VPS13A: variants seen among roughly 807,000 people sequenced by gnomAD.
VPS13A encodes the protein intermembrane lipid transfer protein VPS13A.
Under a neutral mutation model 390.9 loss-of-function variants are expected in VPS13A, and 264 were observed. That is an observed-to-expected ratio of 0.68 (90% confidence interval 0.61 to 0.75). The LOEUF (loss-of-function observed/expected upper bound fraction) is 0.75, where lower values mean the gene tolerates loss of function less well. Among genes scored for constraint, VPS13A ranks in the 30% least tolerant of loss-of-function variants. VPS13A has a pLI of 0.00. For synonymous variants in VPS13A, 1,231 were observed against 1,227.1 expected (o/e 1.00, Z -0.07); for missense variants, 3,409 against 3,733.9 (o/e 0.91, Z 2.27).
intron 14 of VPS13A, 37 bp downstream of exon 14, chr9:77,226,025 G>A: frequency 6.5e-7 from 1 of 1,532,256 alleles, no homozygotes; most frequent in Non-Finnish European, 9.0e-7. Flanking sequence ...AAATAATTCT[G>A]AATTCCATAT....
In VPS13A at chr9:77,344,997, T is replaced by G; in HGVS notation, c.7156-12T>G. 2 of 1,609,952 alleles carry G rather than the reference T, an allele frequency of 1.2e-6. No individual in the cohort carries two copies. Among genetic ancestry groups the G allele is most frequent in the Non-Finnish European group, 1.7e-6 (2 of 1,179,562 alleles). The stretch of plus-strand genomic sequence containing the variant: ...TGATTACATTAAAATGTTTTCTTTT[T>G]CTTTCTTCTAGCTTGGAGGTATTAT... On this transcript the variant is annotated splice_polypyrimidine_tract_variant and intron_variant, in intron 51 of 71. Transcript: ENST00000360280.
intron 22 of VPS13A, among the ~76,000 whole-genome samples, chr9:77,258,966 G>A (rs1226814312): frequency 6.6e-6 from 1 of 152,090 alleles, no homozygotes; most frequent in Non-Finnish European, 1.5e-5. Context: ...TATATGCTTA[G>A]GAAGAATTTA....
intron 42 of VPS13A, among the ~76,000 whole-genome samples, chr9:77,320,153 G>A (rs1829657141): frequency 6.6e-6 from 1 of 152,114 alleles, no homozygotes; most frequent in Non-Finnish European, 1.5e-5. Flanking sequence ...CTTGGAGGTA[G>A]ATACAGTTTT....
intron 19 of VPS13A, among the ~76,000 whole-genome samples, chr9:77,241,533 T>C (rs531768241): frequency 6.6e-6 from 1 of 152,122 alleles, no homozygotes; most frequent in Non-Finnish European, 1.5e-5. Flanking sequence ...TGAAGACTTT[T>C]GTGGTTCTGT....
chr9:77,337,640 A>G, intron 47 of VPS13A, 103 bp downstream of exon 47: 2 of 1,171,594 alleles, frequency 1.7e-6, no homozygotes, highest in Admixed American at 4.3e-5. Flanking sequence ...AATAAAAATT[A>G]GAATACTAGT....
At position 77,177,676 on chromosome 9, in the gene VPS13A, G is replaced by A. The variant is rs1392553490; in HGVS notation, c.-29G>A. ...CGGCGGGAGGAGGAGCGCACGGGCC[G>A]GCTGCCGTGCCCACCACGGCTGAGG... On this transcript the variant is annotated 5_prime_UTR_variant, in exon 1 of 72. Coordinates refer to ENST00000360280, the MANE Select transcript of VPS13A (RefSeq NM_033305.3). The A allele has an allele frequency of 6.3e-7, 1 of 1,597,124 alleles. No individual in the cohort carries two copies. Among genetic ancestry groups the A allele is most frequent in the Admixed American group, 1.7e-5 (1 of 59,916 alleles).
intron 23 of VPS13A, among the ~76,000 whole-genome samples, chr9:77,270,958 A>T (rs1367470681): frequency 6.6e-6 from 1 of 152,214 alleles, no homozygotes; most frequent in African/African-American, 2.4e-5. Flanking sequence ...GTAGGTAAAG[A>T]TACCTTAGGA....
chr9:77,357,546 A>G (rs1831881340), intron 55 of VPS13A, 146 bp from the exon 56 acceptor site: 1 of 780,572 alleles, frequency 1.3e-6, no homozygotes. Context: ...GAATATGTGA[A>G]TTTTATGGAC....
At chr9:77,198,090 G>T (rs1303038379) in intron 1 of VPS13A, among the ~76,000 whole-genome samples, 1 of 152,076 alleles carries the variant, frequency 6.6e-6, no homozygotes, top group Non-Finnish European at 1.5e-5. Context: ...CAGGCTCTCA[G>T]TCTCCACCTA....
chr9:77,226,125 ATTAT>A, intron 14 of VPS13A, 137 bp downstream of exon 14: 1 of 741,406 alleles, frequency 1.3e-6, no homozygotes, highest in Non-Finnish European at 2.1e-6. Context: ...TTATAAGAAA[ATTAT>A]TTAATATTTT....
At chr9:77,259,319 A>G (rs1192320665) in intron 22 of VPS13A, among the ~76,000 whole-genome samples, 1 of 152,152 alleles carries the variant, frequency 6.6e-6, no homozygotes, top group Admixed American at 6.5e-5. Flanking sequence ...TAAGTGCATT[A>G]AGAGAACCGA....
At chr9:77,226,078 A>G in intron 14 of VPS13A, 90 bp downstream of exon 14, 1 of 1,241,632 alleles carries the variant, frequency 8.1e-7, no homozygotes, top group Non-Finnish European at 1.1e-6. Context: ...ACTGTAACAT[A>G]TTGTTTCCAA....
chr9:77,313,920 TATTTCA>T, intron 35 of VPS13A, 66 bp from the exon 36 acceptor site: 1 of 1,450,454 alleles, frequency 6.9e-7, no homozygotes, highest in Non-Finnish European at 9.4e-7. Flanking sequence ...CTATTAAATC[TATTTCA>T]AGGGTATTTT....
Position 77,417,113 on chromosome 9 carries a change from C to A in VPS13A, c.*1107C>A. ...TGGTTTTTGTCCAAGATCTTTGCAC[C>A]TTAATATTAATGGACTGTTTCAGGT... On this transcript the variant is annotated 3_prime_UTR_variant, in exon 72 of 72. Transcript: ENST00000360280. 1 of 152,186 alleles carries A rather than the reference C, an allele frequency of 6.6e-6. No homozygotes were observed. Among genetic ancestry groups the A allele is most frequent in the East Asian group, 1.9e-4 (1 of 5,178 alleles). 9.4% of individuals were successfully genotyped at this position (152,186 alleles called of 1,614,324 possible).
intron 59 of VPS13A, among the ~76,000 whole-genome samples, chr9:77,360,853 G>T (rs939200998): frequency 6.6e-6 from 1 of 152,016 alleles, no homozygotes. Context: ...GAATAGCAGG[G>T]AGAAAAGGAT....
intron 3 of VPS13A, among the ~76,000 whole-genome samples, chr9:77,202,167 A>T (rs1365992287): frequency 2.0e-5 from 3 of 152,112 alleles, no homozygotes. Context: ...AGGTCTTCAT[A>T]ATTATGTGTA....
chr9:77,226,051 G>A, intron 14 of VPS13A, 63 bp downstream of exon 14: 1 of 1,432,604 alleles, frequency 7.0e-7, no homozygotes, highest in Non-Finnish European at 9.8e-7. Context: ...TGACAGATGT[G>A]ATATTATTAA....
chr9:77,411,769 T>TAG (rs1412622337), intron 71 of VPS13A, among the ~76,000 whole-genome samples: 2 of 124,242 alleles, frequency 1.6e-5, no homozygotes, highest in Non-Finnish European at 3.4e-5. Context: ...CTGAAGGAAA[T>TAG]AGACACAAAA....
intron 46 of VPS13A, among the ~76,000 whole-genome samples, chr9:77,335,651 A>G (rs1563934271): frequency 1.3e-5 from 2 of 152,232 alleles, no homozygotes; most frequent in South Asian, 2.1e-4. Flanking sequence ...AACAACAACA[A>G]GATACCATCT....
Sources: allele counts gnomAD v4.1 joint callset (sites outside exome capture counted in the v4.1 genomes callset), GRCh38; gene constraint gnomAD v4.1.1; transcripts MANE v1.5; gene names NCBI Gene and HGNC (gene_info 2026-07-23, HGNC 2026-07-21).